OXNAD1: variants seen among roughly 807,000 people sequenced by gnomAD.
OXNAD1 encodes oxidoreductase NAD-binding domain-containing protein 1.
Under a neutral mutation model 32.9 loss-of-function variants are expected in OXNAD1, and 34 were observed. That is an observed-to-expected ratio of 1.03 (90% CI 0.79 to 1.38). The LOEUF is 1.38. Among genes scored for constraint, OXNAD1 ranks in the 40% most tolerant of loss-of-function variants. The pLI, the probability that OXNAD1 is intolerant of heterozygous loss-of-function variation, is 0.00. For missense variants in OXNAD1, 407 were observed against 379.4 expected (o/e 1.07, Z -0.60); for synonymous variants, 134 against 135.2 (o/e 0.99, Z 0.06).
At position 16,277,222 on chromosome 3, in the gene OXNAD1, T is replaced by A. The variant is rs766362821; in HGVS notation, c.183+5500T>A. Among the ~76,000 whole-genome samples, 1 of 152,136 alleles carries A rather than the reference T, an allele frequency of 6.6e-6. No individual in the cohort carries two copies. The highest frequency in any genetic ancestry group is 1.5e-5 in the Non-Finnish European group (1 of 68,024). ...GATTACAGGCATGAGCCACAGCTCC[T>A]GGCCCTCCTCTTCTGTTTCTAATTT... On this transcript the variant is annotated intron_variant, in intron 4 of 8. Coordinates refer to ENST00000285083, the MANE Select transcript of OXNAD1 (RefSeq NM_138381.5). This position sits in a 1 kb window ranked among gnomAD's most constrained non-coding sequence, Gnocchi z 4.3.
chr3:16,347,759 T>C (rs1253127684), intron 9 of OXNAD1: 2 of 152,198 alleles, frequency 1.3e-5, no homozygotes, highest in African/African-American at 2.4e-5. Context: ...GTAAGCATTT[T>C]GTTTAAAATT....
intron 4 of OXNAD1, among the ~76,000 whole-genome samples, chr3:16,283,803 AG>A (rs1194796596): frequency 1.3e-5 from 2 of 152,192 alleles, no homozygotes; most frequent in African/African-American, 4.8e-5. Flanking sequence ...TGATAACAGG[AG>A]GGGACCTGAG....
rs2070650792 is a variant in OXNAD1 at position 16,334,401 on chromosome 3, T to A, written c.*31-2711T>A. Among the ~76,000 whole-genome samples the A allele has an allele frequency of 1.3e-5, 2 of 152,112 alleles. No individual in the cohort carries two copies. The highest frequency in any genetic ancestry group is 4.1e-4 in the South Asian group (2 of 4,828). On this transcript the variant is annotated intron_variant, in intron 9 of 9. Coordinates refer to the OXNAD1 transcript ENST00000435829. The surrounding 1 kb of genome is among the most constrained non-coding windows in gnomAD (Gnocchi z 4.3). ...ACATTTTCCCTTTGACCCAACAATC[T>A]CACTTCTGGGAATTTAACCTACGTA...
chr3:16,297,311 A>G lies in OXNAD1; in HGVS notation c.432+2314A>G, dbSNP rs2066868288. The stretch of plus-strand genomic sequence containing the variant: ...GTGGGATGCCACTACGATCTAGTCT[A>G]ATGTCTAAAATTAAAAATATTGACA... On this transcript the variant is annotated intron_variant, in intron 6 of 8. Transcript: ENST00000285083. This position sits in a 1 kb window ranked among gnomAD's most constrained non-coding sequence, Gnocchi z 4.3. Among the ~76,000 whole-genome samples, 1 of 152,218 alleles carries G rather than the reference A, an allele frequency of 6.6e-6. No homozygotes were observed. Among genetic ancestry groups the G allele is most frequent in the Non-Finnish European group, 1.5e-5 (1 of 68,044 alleles).
In OXNAD1 at chr3:16,294,958, A is replaced by G. The variant is rs754404718; in HGVS notation, c.393A>G (p.Lys131=). The G allele has an allele frequency of 1.2e-6, 2 of 1,613,432 alleles. No individual in the cohort carries two copies. Among genetic ancestry groups the G allele is most frequent in the Admixed American group, 1.7e-5 (1 of 59,940 alleles). ...EQERVIELAV[K]YTNHPPALWV... ...AGAGAGTGATAGAATTGGCAGTGAA[A>G]TATACGAACCACCCTCCTGCCCTCT... is the stretch of plus-strand genomic sequence containing the variant. The change falls in exon 6 of 9, where the codon AAA becomes AAG. Residue 131 remains lysine (K), a synonymous_variant. Coordinates refer to ENST00000285083, the MANE Select transcript of OXNAD1 (RefSeq NM_138381.5).
At chr3:16,349,864 C>T (rs2071973837) in exon 10 of OXNAD1, 1 of 152,062 alleles carries the variant, frequency 6.6e-6, no homozygotes, top group Non-Finnish European at 1.5e-5. Flanking sequence ...GCAGGGTAGC[C>T]CAGCAGGCTG....
chr3:16,300,852 C>A (rs1310583378), intron 6 of OXNAD1, among the ~76,000 whole-genome samples: 1 of 152,148 alleles, frequency 6.6e-6, no homozygotes, highest in East Asian at 1.9e-4. Flanking sequence ...CCTTTAAATG[C>A]CAGTTGGATT....
Position 16,271,075 on chromosome 3 carries a change from A to G in OXNAD1, c.119+4A>G. 1.2e-6 allele frequency: 2 copies of G among 1,613,422 alleles called. No homozygotes were observed. The highest frequency in any genetic ancestry group is 1.7e-6 in the Non-Finnish European group (2 of 1,179,804). ...TGCGCCACCTTACTCTAACCAGGTG[A>G]GTCATTAAGACTTCTGTGTCATTTG... On this transcript the variant is annotated splice_donor_region_variant and intron_variant, in intron 3 of 8. Transcript: ENST00000285083. The surrounding 1 kb of genome is among the most constrained non-coding windows in gnomAD (Gnocchi z 4.6).
chr3:16,324,373 A>G (rs1450318763), intron 9 of OXNAD1, among the ~76,000 whole-genome samples: 1 of 152,188 alleles, frequency 6.6e-6, no homozygotes, highest in Admixed American at 6.5e-5. Context: ...GCAATAGATG[A>G]CCAAGGCTTA....
In OXNAD1 at chr3:16,317,186, C is replaced by G. The variant is rs116965256; in HGVS notation, c.*30+13594C>G. ...GGCACTGAGTTTACCTTTTGATTTC[C>G]TCATCTGCCTGTTGTGCATTTCTTC... On this transcript the variant is annotated intron_variant, in intron 9 of 9. Transcript: ENST00000435829. The surrounding 1 kb of genome is among the most constrained non-coding windows in gnomAD (Gnocchi z 4.3). 4 of 1,613,150 alleles carry G rather than the reference C, an allele frequency of 2.5e-6. No homozygotes were observed. Among genetic ancestry groups the G allele is most frequent in the Non-Finnish European group, 3.4e-6 (4 of 1,179,940 alleles).
In OXNAD1 at chr3:16,342,420, T is replaced by C. The variant is rs917149088; in HGVS notation, c.*31-6756T>C. On this transcript the variant is annotated intron_variant, in intron 9 of 9. Coordinates refer to the OXNAD1 transcript ENST00000606098. The surrounding 1 kb of genome is among the most constrained non-coding windows in gnomAD (Gnocchi z 4.0). Reference sequence around the variant, plus strand: ...ATTCCATCATATGGATATACCATAGTTTATTCATCATTTGATGAACATTTA... The same window carrying C: ...ATTCCATCATATGGATATACCATAGCTTATTCATCATTTGATGAACATTTA... Among the ~76,000 whole-genome samples the C allele has an allele frequency of 1.3e-5, 2 of 152,258 alleles. No individual in the cohort carries two copies. The highest frequency in any genetic ancestry group is 4.8e-5 in the African/African-American group (2 of 41,470).
chr3:16,333,677 T>TA (rs2070552526), intron 9 of OXNAD1, among the ~76,000 whole-genome samples: 1 of 151,988 alleles, frequency 6.6e-6, no homozygotes, highest in Non-Finnish European at 1.5e-5. Flanking sequence ...ACTCATATGA[T>TA]ATAAAAGACA....
intron 9 of OXNAD1, chr3:16,326,988 C>T (rs2069769121): frequency 2.7e-6 from 2 of 734,786 alleles, no homozygotes; most frequent in Non-Finnish European, 4.5e-6. Flanking sequence ...AGTGGCGGTG[C>T]CCGGCCACTC....
chr3:16,284,503 G>A lies in OXNAD1; in HGVS notation c.184-1839G>A, dbSNP rs548443168. On this transcript the variant is annotated intron_variant, in intron 4 of 8. Coordinates refer to ENST00000285083, the MANE Select transcript of OXNAD1 (RefSeq NM_138381.5). The surrounding 1 kb of genome is among the most constrained non-coding windows in gnomAD (Gnocchi z 4.1). ...TGTTACTGTACTGAATATTTCAGGCGTTTGTAACACAATATTTGTGTGTCT... is the reference window on the plus strand; with the variant it reads ...TGTTACTGTACTGAATATTTCAGGCATTTGTAACACAATATTTGTGTGTCT... Among the ~76,000 whole-genome samples the A allele has an allele frequency of 1.5e-4, 23 of 152,284 alleles. No individual in the cohort carries two copies. In the South Asian group the frequency reaches 2.9e-3, roughly 19 times the overall value.
In OXNAD1 at chr3:16,288,265, G is replaced by A. The variant is rs1287792564; in HGVS notation, c.290+1817G>A. The stretch of plus-strand genomic sequence containing the variant: ...AGAAGAGGGCAAGGATTAGGGATAG[G>A]AAGTGAGGATGTGGCTGCCATGCAG... On this transcript the variant is annotated intron_variant, in intron 5 of 8. Transcript: ENST00000285083. This position sits in a 1 kb window ranked among gnomAD's most constrained non-coding sequence, Gnocchi z 5.1. 6.6e-6 allele frequency among the ~76,000 whole-genome samples: 1 copy of A among 152,202 alleles called. No homozygotes were observed. The highest frequency in any genetic ancestry group is 1.5e-5 in the Non-Finnish European group (1 of 68,030).
chr3:16,272,010 G>T (rs1378446027), intron 4 of OXNAD1: 11 of 508,268 alleles, frequency 2.2e-5, no homozygotes, highest in Admixed American at 6.8e-5. Flanking sequence ...GATGTTTAGG[G>T]TTATGTTTTA....
rs2068398149 is a variant in OXNAD1, at chr3:16,316,415, C to G, written c.*30+12823C>G. ...AGTAGCTGCAGGGGATGGACACTGC[C>G]CCACACGATGTGGGATGAACAGCAG... is the stretch of plus-strand genomic sequence containing the variant. On this transcript the variant is annotated intron_variant, in intron 9 of 9. Transcript: ENST00000435829. This position sits in a 1 kb window ranked among gnomAD's most constrained non-coding sequence, Gnocchi z 4.5. The G allele has an allele frequency of 4.1e-6, 1 of 245,946 alleles. No individual in the cohort carries two copies. The highest frequency in any genetic ancestry group is 4.7e-5 in the South Asian group (1 of 21,314). The allele number at this position is 245,946 out of a possible 1,614,324, so 15.2% of individuals were successfully genotyped here. A position where few individuals can be genotyped will look rare whatever the true frequency, so the allele number is the denominator to read the frequency against.
intron 5 of OXNAD1, among the ~76,000 whole-genome samples, chr3:16,293,239 AT>A (rs1414243184): frequency 2.3e-4 from 35 of 152,276 alleles, no homozygotes; most frequent in African/African-American, 8.4e-4. Context: ...TCTTACACTT[AT>A]TTTGTTAAAT....
rs201934236 is a variant in OXNAD1 at position 16,345,786 on chromosome 3, C to CTCTG, written c.*31-3388_*31-3385dup. On this transcript the variant is annotated intron_variant, in intron 9 of 9. Coordinates refer to the OXNAD1 transcript ENST00000606098. The surrounding 1 kb of genome is among the most constrained non-coding windows in gnomAD (Gnocchi z 5.2). ...CATGAGCCAAAACCTTATAATAAAT[C>CTCTG]TCTGTGTGTGTGTGTGTGTGTGTGT... Among the ~76,000 whole-genome samples the CTCTG allele has an allele frequency of 0.01, 822 of 81,536 alleles. 3 individuals are homozygous for CTCTG. The highest frequency in any genetic ancestry group is 0.015 in the Non-Finnish European group (578 of 39,748). 53.5% of individuals were successfully genotyped at this position (81,536 alleles called of 152,430 possible). A position where few individuals can be genotyped will look rare whatever the true frequency, so the allele number is the denominator to read the frequency against.
Sources: allele counts gnomAD v4.1 joint callset (sites outside exome capture counted in the v4.1 genomes callset), GRCh38; gene constraint gnomAD v4.1.1; non-coding constraint Gnocchi (gnomAD v3.1); transcripts MANE v1.5; gene names NCBI Gene and HGNC (gene_info 2026-07-23, HGNC 2026-07-21).